MYH2: variants seen among roughly 807,000 people sequenced by gnomAD.
MYH2 encodes the protein myosin-2.
Under a neutral mutation model 228.1 loss-of-function variants are expected in MYH2, and 139 were observed. That is an observed-to-expected ratio of 0.61 (90% confidence interval 0.53 to 0.70). The LOEUF (loss-of-function observed/expected upper bound fraction) is 0.70, where lower values mean the gene tolerates loss of function less well. MYH2 is among the 30% of genes least tolerant of loss of function. MYH2 has a pLI of 0.00. For missense variants in MYH2, 1,809 were observed against 2,357.5 expected (o/e 0.77, Z 4.82); for synonymous variants, 796 against 871.1 (o/e 0.91, Z 1.52).
At position 10,545,679 on chromosome 17, in the gene MYH2, C is replaced by T. The variant is rs11078851; in HGVS notation, c.349-177G>A. Among the ~76,000 whole-genome samples the T allele has an allele frequency of 0.41, 61,959 of 151,960 alleles. 13,617 individuals carry two copies. The highest frequency in any genetic ancestry group is 0.83 in the East Asian group (4,299 of 5,156). On this transcript the variant is annotated intron_variant, in intron 4 of 39. Transcript: ENST00000245503. Reference sequence around the variant, plus strand: ...TCCCGGGCTCAAGCAATCCTCCCACCTCACCCTTCCAAGTAGCTGGTACTA... The same window carrying T: ...TCCCGGGCTCAAGCAATCCTCCCACTTCACCCTTCCAAGTAGCTGGTACTA...
Position 10,526,723 on chromosome 17 carries a change from C to T in MYH2, c.4063G>A (p.Glu1355Lys). Reference sequence around the variant, plus strand: ...AGCTCGGCCTTGGATTCCTGCTCCTCCTCATACTGTTCCCGCAGCAGGTCA... The same window carrying T: ...AGCTCGGCCTTGGATTCCTGCTCCTTCTCATACTGTTCCCGCAGCAGGTCA... ...DCDLLREQYE[E>K]EQESKAELQR... Residue 1355 changes from glutamate to lysine, a missense_variant, in exon 30 of 40, where the codon GAG becomes AAG. Coordinates refer to ENST00000245503, the MANE Select transcript of MYH2 (RefSeq NM_017534.6). The T allele has an allele frequency of 6.2e-7, 1 of 1,614,212 alleles. No homozygotes were observed. The highest frequency in any genetic ancestry group is 1.1e-5 in the South Asian group (1 of 91,082).
At position 10,537,575 on chromosome 17, in the gene MYH2, T is replaced by C. The variant is rs751177217; in HGVS notation, c.1588-33A>G. ...GCAGACCACAACACAAAATTGTACT[T>C]CTATTTTTTTTTCTGTCTATAGAAT... On this transcript the variant is annotated intron_variant, in intron 15 of 39. Transcript: ENST00000245503. This position sits in a 1 kb window ranked among gnomAD's most constrained non-coding sequence, Gnocchi z 4.0. 19 of 1,613,884 alleles carry C rather than the reference T, an allele frequency of 1.2e-5. No homozygotes were observed. The African/African-American group carries it at 2.3e-4, about 19-fold the overall frequency.
At position 10,523,610 on chromosome 17, in the gene MYH2, C is replaced by T; in HGVS notation, c.5358G>A (p.Glu1786=). The part of the protein sequence containing the change: ...KKEQDTSAHL[E]RMKKNMEQTV... Reference sequence around the variant, plus strand: ...TCTGCTCCATGTTCTTCTTCATCCGCTCCAGGTGGGCGCTGGTGTCCTGCT... The same window carrying T: ...TCTGCTCCATGTTCTTCTTCATCCGTTCCAGGTGGGCGCTGGTGTCCTGCT... Residue 1786 remains glutamate (E), a synonymous_variant, in exon 37 of 40, where the codon GAG becomes GAA. Coordinates refer to ENST00000245503, the MANE Select transcript of MYH2 (RefSeq NM_017534.6). 6.2e-7 allele frequency: 1 copy of T among 1,614,254 alleles called. No individual in the cohort carries two copies. Among genetic ancestry groups the T allele is most frequent in the Non-Finnish European group, 8.5e-7 (1 of 1,180,052 alleles).
In MYH2 at chr17:10,527,845, T is replaced by C. The variant is rs1597449940; in HGVS notation, c.3774A>G (p.Leu1258=). ...KGNLEKMCRT[L]EDQLSELKSK... is the part of the protein sequence containing the mutation. ...ATTTCAGTTCACTCAGTTGGTCCTC[T>C]AGAGTCCGGCACATTTTCTCTAGGT... Residue 1258 remains leucine (L), a synonymous_variant, in exon 28 of 40, where the codon CTA becomes CTG. Transcript: ENST00000245503. 4 of 1,613,824 alleles carry C rather than the reference T, an allele frequency of 2.5e-6. 1 individual carries two copies. The highest frequency in any genetic ancestry group is 2.2e-5 in the South Asian group (2 of 91,074).
chr17:10,541,788 C>A (rs1022287113), intron 10 of MYH2, among the ~76,000 whole-genome samples: 2 of 152,176 alleles, frequency 1.3e-5, no homozygotes, highest in Non-Finnish European at 2.9e-5. Flanking sequence ...CTTTATTTCT[C>A]AGACCAGCCA....
intron 17 of MYH2, 47 bp downstream of exon 17, chr17:10,536,483 A>G (rs1278324890): frequency 2.6e-6 from 4 of 1,553,140 alleles, no homozygotes; most frequent in Non-Finnish European, 3.5e-6. Context: ...CCATGTAAAA[A>G]AAATCCCAAA....
chr17:10,531,848 T>A lies in MYH2; in HGVS notation c.2482A>T (p.Met828Leu). The A allele has an allele frequency of 1.2e-6, 2 of 1,614,162 alleles. No individual in the cohort carries two copies. The highest frequency in any genetic ancestry group is 1.7e-6 in the Non-Finnish European group (2 of 1,179,988). The part of the protein sequence containing the change: ...FCIQYNIRSF[M>L]NVKHWPWMKL... ...ATCCAGGGCCAGTGCTTGACATTCA[T>A]GAAGGATCTGATATTGTACTGGATA... Residue 828 changes from methionine to leucine, a missense_variant, in exon 22 of 40, where the codon ATG becomes TTG. Physicochemically the swap from Met to Leu is conservative, Grantham distance 15. Around this residue, in one of 9 missense-constraint regions of MYH2, gnomAD observed 276 missense variants for 344.2 expected, o/e 0.80. Transcript: ENST00000245503.
At chr17:10,522,174 G>T (rs183418269) in intron 39 of MYH2, among the ~76,000 whole-genome samples, 205 of 152,294 alleles carry the variant, frequency 1.3e-3, no homozygotes, top group African/African-American at 4.7e-3. Context: ...CAGCTACATA[G>T]CTGGGGGATT....
chr17:10,544,158 G>A, intron 5 of MYH2, 31 bp from the exon 6 acceptor site: 1 of 1,606,014 alleles, frequency 6.2e-7, no homozygotes, highest in South Asian at 1.1e-5. Context: ...ATTTAATACT[G>A]TTTTCTTACA....
intron 12 of MYH2, 100 bp from the exon 13 acceptor site, chr17:10,539,662 A>G: frequency 7.7e-7 from 1 of 1,295,682 alleles, no homozygotes; most frequent in South Asian, 1.2e-5. Flanking sequence ...CAGTGTTTTA[A>G]ATATCTCTTT....
intron 4 of MYH2, among the ~76,000 whole-genome samples, chr17:10,546,948 G>A (rs1033587733): frequency 1.3e-5 from 2 of 149,778 alleles, no homozygotes; most frequent in East Asian, 2.0e-4. Flanking sequence ...AAAAATAGCC[G>A]GGCATGGTGG....
chr17:10,533,232 A>T, intron 21 of MYH2, 53 bp downstream of exon 21: 1 of 1,609,820 alleles, frequency 6.2e-7, no homozygotes, highest in Non-Finnish European at 8.5e-7. Context: ...ACTGTAAGCC[A>T]TTTCAAATAT....
rs2073655506 is a variant in MYH2 at position 10,547,848 on chromosome 17, T to C, written c.73A>G (p.Ile25Val). The change falls in exon 3 of 40, where the codon ATT becomes GTT. Residue 25 changes from isoleucine (I) to valine (V), a missense_variant. This residue lies in a region of MYH2 where 84 missense variants were observed against 81.8 expected (regional missense o/e 1.03). Coordinates refer to ENST00000245503, the MANE Select transcript of MYH2 (RefSeq NM_017534.6). ...PFLRKSERER[I>V]EAQNRPFDAK... Reference sequence around the variant, plus strand: ...TCAAAGGGCCTATTCTGGGCCTCAATGCGCTCCCTTTCAGACTTTCGGAGG... The same window carrying C: ...TCAAAGGGCCTATTCTGGGCCTCAACGCGCTCCCTTTCAGACTTTCGGAGG... 2 of 1,614,184 alleles carry C rather than the reference T, an allele frequency of 1.2e-6. No individual in the cohort carries two copies. Among genetic ancestry groups the C allele is most frequent in the South Asian group, 1.1e-5 (1 of 91,080 alleles).
At position 10,528,866 on chromosome 17, in the gene MYH2, G is replaced by T. The variant is rs768899738; in HGVS notation, c.3568C>A (p.Gln1190Lys). 1.9e-6 allele frequency: 3 copies of T among 1,614,104 alleles called. No homozygotes were observed. The highest frequency in any genetic ancestry group is 2.5e-6 in the Non-Finnish European group (3 of 1,180,058). ...AGGGTGGCCGCTGTGGCTTCATGCT[G>T]TAGGGTGGCCTCCTCCAGGTCCCTG... ...MRRDLEEATLQHEATAATLRK... is the reference protein window; with the variant it reads ...MRRDLEEATLKHEATAATLRK... Residue 1190 changes from glutamine (Q) to lysine (K), a missense_variant, in exon 27 of 40, where the codon CAG becomes AAG. By Grantham distance (53) the Gln-to-Lys change is moderately conservative. Coordinates refer to ENST00000245503, the MANE Select transcript of MYH2 (RefSeq NM_017534.6).
chr17:10,535,945 C>G (rs2073477612), intron 17 of MYH2, among the ~76,000 whole-genome samples: 1 of 152,194 alleles, frequency 6.6e-6, no homozygotes, highest in African/African-American at 2.4e-5. Context: ...ATACTGATGT[C>G]TTTTAGTCTC....
At position 10,537,107 on chromosome 17, in the gene MYH2, A is replaced by G; in HGVS notation, c.1897+126T>C. The G allele has an allele frequency of 7.8e-7, 1 of 1,279,034 alleles. No homozygotes were observed. Among genetic ancestry groups the G allele is most frequent in the Non-Finnish European group, 1.1e-6 (1 of 887,994 alleles). The allele number at this position is 1,279,034 out of a possible 1,614,324, so 79.2% of individuals were successfully genotyped here. On this transcript the variant is annotated intron_variant, in intron 16 of 39. Transcript: ENST00000245503. The surrounding 1 kb of genome is among the most constrained non-coding windows in gnomAD (Gnocchi z 4.0). ...TGTATAATTACAAGGCTGCCTATCT[A>G]TTCAATACTTGGAGGAACCAGGGGC...
intron 27 of MYH2, among the ~76,000 whole-genome samples, 171 bp from the exon 28 acceptor site, chr17:10,528,045 T>TTC (rs1301011724): frequency 7.4e-6 from 1 of 136,016 alleles, no homozygotes; most frequent in African/African-American, 2.6e-5. Flanking sequence ...TTTTCTTTCT[T>TTC]TCTTTTTTTT....
chr17:10,527,778 C>A lies in MYH2; in HGVS notation c.3841G>T (p.Ala1281Ser). Reference sequence around the variant, plus strand: ...TCAGTCTGCAGGCGCCCCCTCTGCGCAGTCAGGTCATTGATCAGCCGCTGC... The same window carrying A: ...TCAGTCTGCAGGCGCCCCCTCTGCGAAGTCAGGTCATTGATCAGCCGCTGC... ...EQQRLINDLT[A>S]QRGRLQTESG... is the part of the protein sequence containing the mutation. The change falls in exon 28 of 40, where the codon GCG becomes TCG. Residue 1281 changes from alanine to serine, a missense_variant. Transcript: ENST00000245503. 6.2e-7 allele frequency: 1 copy of A among 1,614,108 alleles called. No individual in the cohort carries two copies. Among genetic ancestry groups the A allele is most frequent in the African/African-American group, 1.3e-5 (1 of 75,046 alleles).
intron 12 of MYH2, 66 bp from the exon 13 acceptor site, chr17:10,539,628 T>C (rs960486065): frequency 6.9e-7 from 1 of 1,457,570 alleles, no homozygotes; most frequent in African/African-American, 1.4e-5. Context: ...TTAAAAATAT[T>C]TTTTAAACTA....
Sources: allele counts gnomAD v4.1 joint callset (sites outside exome capture counted in the v4.1 genomes callset), GRCh38; gene constraint gnomAD v4.1.1; regional missense constraint gnomAD v4.1.1; non-coding constraint Gnocchi (gnomAD v3.1); transcripts MANE v1.5; gene names NCBI Gene and HGNC (gene_info 2026-07-23, HGNC 2026-07-21).